THAP8: variants seen among roughly 807,000 people sequenced by gnomAD.
The protein encoded by THAP8 is THAP domain containing 8.
Under a neutral mutation model 25.0 loss-of-function variants are expected in THAP8, and 24 were observed. The observed-to-expected ratio is 0.96, with a 90% CI of 0.69 to 1.35. THAP8 has a LOEUF of 1.35. Ranked by LOEUF, THAP8 falls within the 40% of genes most tolerant of loss-of-function variation. The probability of loss-of-function intolerance (pLI) is 0.00; values close to 1 mark genes in which losing one functional copy is unlikely to be tolerated. For synonymous variants in THAP8, 169 were observed against 157.6 expected, an observed-to-expected ratio of 1.07 and a Z score of -0.54; for missense variants, 399 against 368.8, an observed-to-expected ratio of 1.08 and a Z score of -0.67.
intron 1 of THAP8, chr19:36,046,090 A>G (rs1969871304): frequency 2.8e-6 from 1 of 360,594 alleles, no homozygotes; most frequent in Non-Finnish European, 5.4e-6. Context: ...TGTAATCCCC[A>G]TGTGTCAAGG....
chr19:36,045,727 G>A (rs1286912075), intron 1 of THAP8: 1 of 456,552 alleles, frequency 2.2e-6, no homozygotes, highest in East Asian at 6.9e-5. Context: ...AGAGGGCAAT[G>A]CAACCATGGA....
chr19:36,046,251 G>A (rs1180135748), intron 1 of THAP8, among the ~76,000 whole-genome samples: 1 of 152,118 alleles, frequency 6.6e-6, no homozygotes, highest in Admixed American at 6.5e-5. Flanking sequence ...TAAGATGTTT[G>A]CTTTCCCTTC....
chr19:36,039,227 C>T, intron 3 of THAP8, 96 bp downstream of exon 3: 1 of 1,375,970 alleles, frequency 7.3e-7, no homozygotes, highest in Non-Finnish European at 9.4e-7. Flanking sequence ...GCTGAATGTT[C>T]TGATTTTTGA....
At chr19:36,054,420 G>T, upstream of THAP8, 1 of 631,830 alleles carries the variant, frequency 1.6e-6, no homozygotes, top group East Asian at 2.7e-5. Flanking sequence ...CTCGTCACGT[G>T]ACGAATGGGC....
At chr19:36,046,600 G>T (rs1220059373) in intron 1 of THAP8, among the ~76,000 whole-genome samples, 1 of 152,162 alleles carries the variant, frequency 6.6e-6, no homozygotes, top group African/African-American at 2.4e-5. Flanking sequence ...CACAGCCAGG[G>T]AGTCTGGCTG....
intron 1 of THAP8, among the ~76,000 whole-genome samples, chr19:36,051,862 G>A (rs906523560): frequency 2.6e-5 from 4 of 152,072 alleles, no homozygotes; most frequent in Non-Finnish European, 5.9e-5. Context: ...GCAGGTGAGC[G>A]AGTGAGAGAA....
intron 3 of THAP8, among the ~76,000 whole-genome samples, chr19:36,037,279 C>T (rs1297085213): frequency 7.2e-6 from 1 of 139,012 alleles, no homozygotes; most frequent in Non-Finnish European, 1.6e-5. Flanking sequence ...CACACACACA[C>T]CTTCCTCAGC....
chr19:36,046,067 TCTC>T (rs1969870472), intron 1 of THAP8: 1 of 363,960 alleles, frequency 2.7e-6, no homozygotes, highest in Non-Finnish European at 5.4e-6. Context: ...CCCACCCAAA[TCTC>T]ATCTTGAACT....
rs1348390849 is a variant in THAP8, at chr19:36,054,170, G to A, written c.48C>T (p.Arg16=). Residue 16 remains arginine (R), a synonymous_variant, in exon 1 of 4, where the codon CGC becomes CGT. Coordinates refer to ENST00000292894, the MANE Select transcript of THAP8 (RefSeq NM_152658.3). Reference sequence around the variant, plus strand: ...TCACAGGGCGGTTGTCTGCACCCAGGCGGCCCGCAGTGTTGGAGCAGTTCG... The same window carrying A: ...TCACAGGGCGGTTGTCTGCACCCAGACGGCCCGCAGTGTTGGAGCAGTTCG... ...RAPNCSNTAG[R]LGADNRPVSF... 6.2e-7 allele frequency: 1 copy of A among 1,613,986 alleles called. No homozygotes were observed. The highest frequency in any genetic ancestry group is 8.5e-7 in the Non-Finnish European group (1 of 1,179,938).
At chr19:36,047,030 T>G (rs1196963479) in intron 1 of THAP8, among the ~76,000 whole-genome samples, 1 of 152,234 alleles carries the variant, frequency 6.6e-6, no homozygotes, top group East Asian at 1.9e-4. Flanking sequence ...CTTGTTCCTC[T>G]GGATAGCAGC....
rs772249872 is a variant in THAP8 at position 36,039,572 on chromosome 19, C to T, written c.423G>A (p.Lys141=). 4 of 1,518,404 alleles carry T rather than the reference C, an allele frequency of 2.6e-6. No individual in the cohort carries two copies. The highest frequency in any genetic ancestry group is 3.5e-4 in the Middle Eastern group (2 of 5,792). 94.1% of individuals were successfully genotyped at this position (1,518,404 alleles called of 1,614,324 possible). A position where few individuals can be genotyped will look rare whatever the true frequency, so the allele number is the denominator to read the frequency against. ...VVLGPTSGSP[K]TVATMLLTPL... is the part of the protein sequence containing the mutation. ...GGGTCAGGAGCATGGTGGCCACAGT[C>T]TTGGGGCTCCCCGATGTGGGGCCCA... is the stretch of plus-strand genomic sequence containing the variant. Residue 141 remains lysine, a synonymous_variant, in exon 3 of 4, where the codon AAG becomes AAA. Coordinates refer to ENST00000292894, the MANE Select transcript of THAP8 (RefSeq NM_152658.3).
In THAP8 at chr19:36,040,060, G is replaced by A; in HGVS notation, c.160C>T (p.His54Tyr). 1 of 1,613,576 alleles carries A rather than the reference G, an allele frequency of 6.2e-7. No individual in the cohort carries two copies. The stretch of plus-strand genomic sequence containing the variant: ...AAGTGCTCGCTGCACAAGTGCTGGT[G>A]GCAGCTGGGCACCCAGTGCTCACAG... ...MGCEHWVPSC[H>Y]QHLCSEHFTP... The change falls in exon 2 of 4, where the codon CAC (histidine) becomes TAC (tyrosine). Residue 54 changes from histidine (H) to tyrosine (Y), a missense_variant. Transcript: ENST00000292894.
intron 1 of THAP8, among the ~76,000 whole-genome samples, chr19:36,051,959 C>T (rs1482605945): frequency 6.6e-6 from 1 of 152,148 alleles, no homozygotes; most frequent in Non-Finnish European, 1.5e-5. Flanking sequence ...GCATTAGATT[C>T]TCACAAGAGT....
chr19:36,046,536 G>A (rs1969887511), intron 1 of THAP8, among the ~76,000 whole-genome samples: 1 of 152,160 alleles, frequency 6.6e-6, no homozygotes, highest in South Asian at 2.1e-4. Context: ...AAAGAGCACA[G>A]AAAGGCTGAC....
rs751463713 is a variant in THAP8 at position 36,054,153 on chromosome 19, C to CG, written c.64dup (p.Arg22ProfsTer26). 2 of 1,613,808 alleles carry CG rather than the reference C, an allele frequency of 1.2e-6. No individual in the cohort carries two copies. The highest frequency in any genetic ancestry group is 2.7e-5 in the African/African-American group (2 of 74,920). ...CGCTCACTTGTAGAAGCTCACAGGGCGGTTGTCTGCACCCAGGCGGCCCGC... is the reference window on the plus strand; with the variant it reads ...CGCTCACTTGTAGAAGCTCACAGGGCGGGTTGTCTGCACCCAGGCGGCCCGC... On this transcript the variant is annotated frameshift_variant, in exon 1 of 4. Coordinates refer to ENST00000292894, the MANE Select transcript of THAP8 (RefSeq NM_152658.3). LOFTEE classifies it high-confidence loss of function.
intron 1 of THAP8, 21 bp downstream of exon 1, chr19:36,054,114 C>T (rs1463186327): frequency 2.5e-6 from 4 of 1,609,416 alleles, no homozygotes; most frequent in Non-Finnish European, 3.4e-6. Flanking sequence ...TCCCTCAAGC[C>T]CCGCCCCGCG....
intron 3 of THAP8, among the ~76,000 whole-genome samples, chr19:36,036,122 T>C (rs988185073): frequency 3.9e-5 from 6 of 151,904 alleles, no homozygotes; most frequent in Non-Finnish European, 7.4e-5. Flanking sequence ...CTGAGCTCTG[T>C]CCCTGCCCCA....
At position 36,039,647 on chromosome 19, in the gene THAP8, C is replaced by T; in HGVS notation, c.348G>A (p.Leu116=). The change falls in exon 3 of 4, where the codon CTG becomes CTA. Residue 116 remains leucine (L), a synonymous_variant. Transcript: ENST00000292894. ...PPPPLQKNTP[L]PQSPAIPVSG... ...AGACTGGGATGGCAGGGCTCTGGGG[C>T]AGGGGTGTATTCTTCTGTAGGGGAG... 1 of 1,517,450 alleles carries T rather than the reference C, an allele frequency of 6.6e-7. No individual in the cohort carries two copies. Among genetic ancestry groups the T allele is most frequent in the Non-Finnish European group, 8.8e-7 (1 of 1,131,520 alleles). 94.0% of individuals were successfully genotyped at this position (1,517,450 alleles called of 1,614,324 possible). A position where few individuals can be genotyped will look rare whatever the true frequency, so the allele number is the denominator to read the frequency against.
intron 1 of THAP8, among the ~76,000 whole-genome samples, chr19:36,052,046 G>A (rs928231603): frequency 1.1e-4 from 16 of 150,640 alleles, no homozygotes; most frequent in Non-Finnish European, 1.9e-4. Flanking sequence ...TGTTTTTTGG[G>A]TTTTTTGGTT....
Sources: allele counts gnomAD v4.1 joint callset (sites outside exome capture counted in the v4.1 genomes callset), GRCh38; gene constraint gnomAD v4.1.1; transcripts MANE v1.5; gene names NCBI Gene and HGNC (gene_info 2026-07-23, HGNC 2026-07-21).